PRXL2C: variants seen among roughly 807,000 people sequenced by gnomAD.
PRXL2C encodes the protein peroxiredoxin-like 2C.
PRXL2C carries 38 observed loss-of-function variants against 24.9 expected under a neutral mutation model. The ratio of observed to expected loss-of-function variants is 1.53; its 90% CI spans 1.18 to 2.00. The LOEUF is 2.00. Ranked by LOEUF, PRXL2C falls within the 30% of genes most tolerant of loss-of-function variation. The pLI, the probability that PRXL2C is intolerant of heterozygous loss-of-function variation, is 0.00. For synonymous variants in PRXL2C, 98 were observed against 117.2 expected (o/e 0.84, Z 1.06); for missense variants, 294 against 290.9 (o/e 1.01, Z -0.08).
At chr9:96,642,301 C>T (rs1428289481) in intron 5 of PRXL2C, among the ~76,000 whole-genome samples, 2 of 151,950 alleles carry the variant, frequency 1.3e-5, no homozygotes, top group Non-Finnish European at 2.9e-5. Flanking sequence ...TCAAAAAATC[C>T]ACTCCGAAAT....
At chr9:96,642,892 G>A (rs566970681) in intron 5 of PRXL2C, among the ~76,000 whole-genome samples, 3 of 152,132 alleles carry the variant, frequency 2.0e-5, no homozygotes, top group South Asian at 2.1e-4. Flanking sequence ...CATGAGTTCC[G>A]CATCCTCATT....
chr9:96,654,619 G>T, intron 2 of PRXL2C, 86 bp downstream of exon 2: 1 of 1,297,136 alleles, frequency 7.7e-7, no homozygotes, highest in Non-Finnish European at 1.1e-6. Flanking sequence ...CAGGCTGCAA[G>T]TTCCGCGCTG....
intron 4 of PRXL2C, among the ~76,000 whole-genome samples, chr9:96,646,252 T>G (rs1306397284): frequency 1.3e-5 from 2 of 152,146 alleles, no homozygotes; most frequent in Non-Finnish European, 2.9e-5. Flanking sequence ...TTTACCAAGT[T>G]GTAAAAACCA....
In PRXL2C at chr9:96,655,108, G is replaced by C; in HGVS notation, c.174C>G (p.Ala58=). The stretch of plus-strand genomic sequence containing the variant: ...CGCTCACCCGCACGAACACCACCAC[G>C]GCGCGGCGCTCCCGGAACAGCGCGC... ...PFGALFRERR[A]VVVFVRHFLC... is the part of the protein sequence containing the mutation. Residue 58 remains alanine, a synonymous_variant, in exon 1 of 6, where the codon GCC becomes GCG. Transcript: ENST00000375234. 4 of 1,433,898 alleles carry C rather than the reference G, an allele frequency of 2.8e-6. No individual in the cohort carries two copies. Among genetic ancestry groups the C allele is most frequent in the Non-Finnish European group, 3.6e-6 (4 of 1,097,596 alleles). The allele number at this position is 1,433,898 out of a possible 1,614,324, so 88.8% of individuals were successfully genotyped here.
intron 5 of PRXL2C, among the ~76,000 whole-genome samples, chr9:96,644,881 C>CTATTT (rs1848170548): frequency 2.7e-5 from 1 of 36,670 alleles, no homozygotes; most frequent in Non-Finnish European, 6.5e-5. Context: ...TACATGGATT[C>CTATTT]TTTTTTTTTT....
intron 5 of PRXL2C, among the ~76,000 whole-genome samples, chr9:96,644,733 G>A (rs1848167598): frequency 6.6e-6 from 1 of 152,034 alleles, no homozygotes; most frequent in African/African-American, 2.4e-5. Flanking sequence ...ACCAGTCTCA[G>A]CCTCCCAAAA....
intron 5 of PRXL2C, among the ~76,000 whole-genome samples, chr9:96,643,533 A>C (rs534276935): frequency 6.6e-6 from 1 of 152,252 alleles, no homozygotes; most frequent in South Asian, 2.1e-4. Flanking sequence ...GGTGTGAGCC[A>C]CTGCGCCCAG....
chr9:96,649,630 C>G (rs1434412979), intron 4 of PRXL2C, among the ~76,000 whole-genome samples: 1 of 151,652 alleles, frequency 6.6e-6, no homozygotes, highest in Admixed American at 6.6e-5. Flanking sequence ...GCCTCACAAA[C>G]AGCTCCCAGA....
At chr9:96,643,271 T>C (rs1183230557) in intron 5 of PRXL2C, among the ~76,000 whole-genome samples, 1 of 152,124 alleles carries the variant, frequency 6.6e-6, no homozygotes, top group African/African-American at 2.4e-5. Flanking sequence ...TTGGGGGCAG[T>C]GTCTTGGTCT....
In PRXL2C at chr9:96,641,689, G is replaced by T; in HGVS notation, c.*70C>A. ...GACAGCAGGTTAGACACTGCACGAG[G>T]ATATTACACCCAGGCATTGAAGGTC... is the stretch of plus-strand genomic sequence containing the variant. On this transcript the variant is annotated 3_prime_UTR_variant, in exon 6 of 6. Coordinates refer to ENST00000375234, the MANE Select transcript of PRXL2C (RefSeq NM_153698.2). 1.4e-6 allele frequency: 2 copies of T among 1,445,850 alleles called. No homozygotes were observed. The highest frequency in any genetic ancestry group is 1.4e-5 in the African/African-American group (1 of 71,658). 89.6% of individuals were successfully genotyped at this position (1,445,850 alleles called of 1,614,324 possible). A position where few individuals can be genotyped will look rare whatever the true frequency, so the allele number is the denominator to read the frequency against.
rs1223937910 is a variant in PRXL2C, at chr9:96,641,677, A to G, written c.*82T>C. Reference sequence around the variant, plus strand: ...AGGCTGGGAAGGGACAGCAGGTTAGACACTGCACGAGGATATTACACCCAG... The same window carrying G: ...AGGCTGGGAAGGGACAGCAGGTTAGGCACTGCACGAGGATATTACACCCAG... On this transcript the variant is annotated 3_prime_UTR_variant, in exon 6 of 6. Coordinates refer to ENST00000375234, the MANE Select transcript of PRXL2C (RefSeq NM_153698.2). 1.5e-6 allele frequency: 2 copies of G among 1,376,026 alleles called. No homozygotes were observed. The highest frequency in any genetic ancestry group is 2.1e-5 in the Admixed American group (1 of 47,802). 85.2% of individuals were successfully genotyped at this position (1,376,026 alleles called of 1,614,324 possible). A position where few individuals can be genotyped will look rare whatever the true frequency, so the allele number is the denominator to read the frequency against.
intron 1 of PRXL2C, 119 bp from the exon 2 acceptor site, chr9:96,654,892 G>A (rs911060678): frequency 5.0e-6 from 6 of 1,195,954 alleles, no homozygotes; most frequent in Non-Finnish European, 6.7e-6. Flanking sequence ...GGCCGGGACC[G>A]GCGGCTCGGG....
At position 96,641,790 on chromosome 9, in the gene PRXL2C, A is replaced by G. The variant is rs751459956; in HGVS notation, c.650T>C (p.Phe217Ser). The change falls in exon 6 of 6, where the codon TTT becomes TCT. Residue 217 changes from phenylalanine to serine, a missense_variant. Phe to Ser is a radical substitution (Grantham distance 155). Coordinates refer to ENST00000375234, the MANE Select transcript of PRXL2C (RefSeq NM_153698.2). ...LQLVGVQHVN[F>S]TNRPSVIHV ...ATGGATAACTGAAGGTCTGTTTGTAAAGTTCACATGCTGAACTCCTACAAG... is the reference window on the plus strand; with the variant it reads ...ATGGATAACTGAAGGTCTGTTTGTAGAGTTCACATGCTGAACTCCTACAAG... 1.9e-6 allele frequency: 3 copies of G among 1,578,700 alleles called. No individual in the cohort carries two copies. The highest frequency in any genetic ancestry group is 2.7e-5 in the African/African-American group (2 of 74,470).
intron 5 of PRXL2C, among the ~76,000 whole-genome samples, chr9:96,645,407 C>T (rs545289774): frequency 1.3e-5 from 2 of 152,106 alleles, no homozygotes; most frequent in South Asian, 4.2e-4. Flanking sequence ...TATACAGAAG[C>T]CTTTGAAAAC....
intron 2 of PRXL2C, among the ~76,000 whole-genome samples, chr9:96,653,692 A>C (rs1848306777): frequency 6.6e-6 from 1 of 152,230 alleles, no homozygotes; most frequent in East Asian, 1.9e-4. Flanking sequence ...TGTATCCCAT[A>C]AACACATACA....
At chr9:96,645,797 G>GAAA (rs368373031) in intron 5 of PRXL2C, 96 bp downstream of exon 5, 115 of 1,105,254 alleles carry the variant, frequency 1.0e-4, no homozygotes, top group Admixed American at 1.2e-4. Context: ...ACTCCCTCTC[G>GAAA]AAAAAAAAAA....
At position 96,644,881 on chromosome 9, in the gene PRXL2C, CTTTTTTTTTTTTTTTTTTT is replaced by C. The variant is rs530343244; in HGVS notation, c.553+993_553+1011del. 6.5e-4 allele frequency among the ~76,000 whole-genome samples: 24 copies of C among 36,700 alleles called. No homozygotes were observed. The East Asian group carries it at 7.7e-3, about 12-fold the overall frequency. The allele number at this position is 36,700 out of a possible 152,430, so 24.1% of individuals were successfully genotyped here. On this transcript the variant is annotated intron_variant, in intron 5 of 5. Coordinates refer to ENST00000375234, the MANE Select transcript of PRXL2C (RefSeq NM_153698.2). ...TTAGGTATAAATAACTACATGGATT[CTTTTTTTTTTTTTTTTTTT>C]TTTTTTTTTTTTTTTTGAGGCAGAG...
rs1848263075 is a variant in PRXL2C at position 96,651,398 on chromosome 9, G to A, written c.413C>T (p.Ala138Val). ...GACATGTTATGTCTTACCTGAGGAA[G>A]CAATTTCTTCACCTCTTTTCATTCC... ...RLGMKRGEEI[A>V]SSGQSPHIKS... The change falls in exon 4 of 6, where the codon GCT (alanine) becomes GTT (valine). Residue 138 changes from alanine (A) to valine (V), a missense_variant. By Grantham distance (64) the Ala-to-Val change is moderately conservative. Coordinates refer to ENST00000375234, the MANE Select transcript of PRXL2C (RefSeq NM_153698.2). 6.2e-7 allele frequency: 1 copy of A among 1,608,416 alleles called. No homozygotes were observed. Among genetic ancestry groups the A allele is most frequent in the Middle Eastern group, 2.0e-4 (1 of 5,124 alleles).
chr9:96,645,797 GAA>G (rs368373031), intron 5 of PRXL2C, 94 bp downstream of exon 5: 10,938 of 1,067,822 alleles, frequency 0.01, no homozygotes, highest in Middle Eastern at 0.016. Flanking sequence ...ACTCCCTCTC[GAA>G]AAAAAAAAAA....
Sources: allele counts gnomAD v4.1 joint callset (sites outside exome capture counted in the v4.1 genomes callset), GRCh38; gene constraint gnomAD v4.1.1; transcripts MANE v1.5; gene names NCBI Gene and HGNC (gene_info 2026-07-23, HGNC 2026-07-21).